TCF12: variants seen among roughly 807,000 people sequenced by gnomAD.
TCF12 encodes DNA-binding protein HTF4.
A neutral mutation model predicts 86.0 loss-of-function variants in TCF12; 45 were observed. The ratio of observed to expected loss-of-function variants is 0.52; its 90% CI spans 0.41 to 0.67. TCF12 has a LOEUF of 0.67. Ranked by LOEUF, TCF12 falls within the 30% of genes least tolerant of loss-of-function variation. The pLI is 0.00. For missense variants in TCF12, 881 were observed against 859.9 expected, an observed-to-expected ratio of 1.02 and a Z score of -0.31; for synonymous variants, 330 against 299.6, an observed-to-expected ratio of 1.10 and a Z score of -1.05.
At chr15:57,272,928 A>G in intron 18 of TCF12, 102 bp from the exon 19 acceptor site, 1 of 1,067,084 alleles carries the variant, frequency 9.4e-7, no homozygotes, top group African/African-American at 1.6e-5. Context: ...CAAGATTTAT[A>G]GGTGGTTTTC....
At chr15:57,049,081 C>T (rs1052208388) in intron 3 of TCF12, among the ~76,000 whole-genome samples, 2 of 152,136 alleles carry the variant, frequency 1.3e-5, no homozygotes, top group Non-Finnish European at 2.9e-5. Context: ...CCTATATCCA[C>T]TTTCTGGGGG....
At chr15:57,119,864 A>C (rs1234568512) in intron 5 of TCF12, among the ~76,000 whole-genome samples, 2 of 152,144 alleles carry the variant, frequency 1.3e-5, no homozygotes, top group African/African-American at 2.4e-5. Context: ...TACTACATTG[A>C]AAGTTTTTTG....
At chr15:57,088,377 T>G (rs1567397201) in intron 4 of TCF12, among the ~76,000 whole-genome samples, 1 of 152,224 alleles carries the variant, frequency 6.6e-6, no homozygotes, top group Non-Finnish European at 1.5e-5. Context: ...AAACTCCTAG[T>G]CAACTAACCT....
At chr15:57,042,263 G>A (rs1157053838) in intron 3 of TCF12, among the ~76,000 whole-genome samples, 1 of 151,890 alleles carries the variant, frequency 6.6e-6, no homozygotes, top group African/African-American at 2.4e-5. Flanking sequence ...GCTCATTTGT[G>A]GTTCATCAGA....
intron 3 of TCF12, among the ~76,000 whole-genome samples, chr15:57,044,489 A>G (rs1276270659): frequency 6.6e-6 from 1 of 152,188 alleles, no homozygotes; most frequent in African/African-American, 2.4e-5. Context: ...TGTTTGTTAG[A>G]GAAATTTACA....
chr15:56,921,622 C>T (rs1365722868), intron 3 of TCF12, among the ~76,000 whole-genome samples: 2 of 151,750 alleles, frequency 1.3e-5, no homozygotes, highest in Non-Finnish European at 2.9e-5. Context: ...AAAGCTGTAA[C>T]TTTTTATTTA....
intron 5 of TCF12, chr15:57,118,217 A>C (rs567493310): frequency 3.6e-4 from 55 of 152,366 alleles, no homozygotes; most frequent in African/African-American, 1.2e-3. Flanking sequence ...GATATACAGC[A>C]AACGTCAATA....
chr15:57,150,509 C>T (rs1596841167), intron 5 of TCF12, among the ~76,000 whole-genome samples: 1 of 152,126 alleles, frequency 6.6e-6, no homozygotes, highest in South Asian at 2.1e-4. Flanking sequence ...TTCCAAGTCA[C>T]TTAACTGCTT....
chr15:57,237,144 A>AGTGT (rs762819273), intron 12 of TCF12, among the ~76,000 whole-genome samples: 114 of 135,458 alleles, frequency 8.4e-4, no homozygotes, highest in East Asian at 4.1e-3. Context: ...AAAGAGAGAG[A>AGTGT]GAGAGTGTGT....
At chr15:56,999,790 C>T (rs2063916422) in intron 3 of TCF12, among the ~76,000 whole-genome samples, 1 of 152,042 alleles carries the variant, frequency 6.6e-6, no homozygotes, top group South Asian at 2.1e-4. Context: ...TGGAGAATCC[C>T]TTAAGTCTGG....
chr15:57,149,942 T>G (rs2151449426), intron 5 of TCF12, among the ~76,000 whole-genome samples: 1 of 152,286 alleles, frequency 6.6e-6, no homozygotes, highest in Non-Finnish European at 1.5e-5. Flanking sequence ...TATAAAAACC[T>G]TAGGAAGTTT....
chr15:57,289,611 G>C lies in TCF12; in HGVS notation c.*3466G>C, dbSNP rs1189085602. On this transcript the variant is annotated 3_prime_UTR_variant, in exon 21 of 21. Coordinates refer to ENST00000333725, the MANE Select transcript of TCF12 (RefSeq NM_207037.2). ...AAATTTAAACACACGTCGTGTGTGTGTGTGTGTGTGTGTCTGTGTGTGTGT... is the reference window on the plus strand; with the variant it reads ...AAATTTAAACACACGTCGTGTGTGTCTGTGTGTGTGTGTCTGTGTGTGTGT... 1.3e-5 allele frequency: 2 copies of C among 151,888 alleles called. No individual in the cohort carries two copies. The highest frequency in any genetic ancestry group is 4.8e-5 in the African/African-American group (2 of 41,330). 9.4% of individuals were successfully genotyped at this position (151,888 alleles called of 1,614,324 possible). A position where few individuals can be genotyped will look rare whatever the true frequency, so the allele number is the denominator to read the frequency against.
At chr15:57,226,208 C>CT (rs374164938) in intron 8 of TCF12, among the ~76,000 whole-genome samples, 2,453 of 137,508 alleles carry the variant, frequency 0.018, 62 homozygotes, top group African/African-American at 0.056. Flanking sequence ...TTGACCTAGA[C>CT]TTTTTTTTTT....
At chr15:56,981,593 C>T (rs1318822704) in intron 3 of TCF12, among the ~76,000 whole-genome samples, 1 of 152,112 alleles carries the variant, frequency 6.6e-6, no homozygotes, top group East Asian at 1.9e-4. Context: ...CACTTATATA[C>T]AATTGGTCTT....
At chr15:57,273,626 A>G (rs750225332) in intron 19 of TCF12, among the ~76,000 whole-genome samples, 6 of 151,598 alleles carry the variant, frequency 4.0e-5, no homozygotes, top group Non-Finnish European at 8.8e-5. Context: ...TGTCTTTCCT[A>G]CTTCTCTGTA....
At position 57,072,480 on chromosome 15, in the gene TCF12, A is replaced by G. The variant is rs564851464; in HGVS notation, c.222+8657A>G. On this transcript the variant is annotated intron_variant, in intron 4 of 20. Coordinates refer to ENST00000333725, the MANE Select transcript of TCF12 (RefSeq NM_207037.2). ...TCAGCATTGATGGGTAATAAAGATT[A>G]GTGTTACTTTTTCTTCTCTAGTGTA... Among the ~76,000 whole-genome samples the G allele has an allele frequency of 1.1e-4, 17 of 152,266 alleles. 1 individual carries two copies. The South Asian group carries it at 3.5e-3, about 32-fold the overall frequency.
At chr15:57,282,627 AGGAAATAACCTTAAGATTC>A in intron 20 of TCF12, 29 bp downstream of exon 20, 2 of 1,597,582 alleles carry the variant, frequency 1.3e-6, no homozygotes, top group South Asian at 2.3e-5. Context: ...AGAAACAGCA[AGGAAATAACCTTAAGATTC>A]ATCTTAAACT....
intron 3 of TCF12, among the ~76,000 whole-genome samples, chr15:56,982,893 A>C (rs764673514): frequency 3.3e-5 from 5 of 152,188 alleles, no homozygotes; most frequent in Non-Finnish European, 7.4e-5. Flanking sequence ...TTGCTTTTGA[A>C]GTAGCATCAG....
chr15:57,010,874 T>C (rs139284706), intron 3 of TCF12, among the ~76,000 whole-genome samples: 1 of 152,326 alleles, frequency 6.6e-6, no homozygotes, highest in East Asian at 1.9e-4. Context: ...TAATTTCTGG[T>C]AGTTCATGTG....
Sources: gnomAD v4.1 joint callset for allele counts (sites outside exome capture counted in the v4.1 genomes callset) on GRCh38, gnomAD v4.1.1 for gene constraint, MANE v1.5 for transcripts, NCBI Gene and HGNC (gene_info 2026-07-23, HGNC 2026-07-21) for gene names.